Variants in CCL17 observed in about 807,000 individuals in gnomAD.
CCL17 encodes the protein C-C motif chemokine 17.
In CCL17, 8 loss-of-function variants were observed where a neutral mutation model predicts 7.4. The observed-to-expected ratio is 1.09, with a 90% confidence interval of 0.64 to 1.96. The LOEUF (loss-of-function observed/expected upper bound fraction) is 1.96. Ranked by LOEUF, CCL17 falls within the 30% of genes most tolerant of loss-of-function variation. The pLI is 0.00. For missense variants in CCL17, 102 were observed against 113.0 expected, an observed-to-expected ratio of 0.90 and a Z score of 0.44; for synonymous variants, 40 against 46.1, an observed-to-expected ratio of 0.87 and a Z score of 0.54.
chr16:57,414,777 C>CA (rs1902841680), intron 2 of CCL17, among the ~76,000 whole-genome samples: 1 of 152,082 alleles, frequency 6.6e-6, no homozygotes, highest in African/African-American at 2.4e-5. Context: ...GGGACGCGCA[C>CA]AGATGCACAG....
chr16:57,410,947 G>A lies in CCL17; in HGVS notation c.-59-2927G>A, dbSNP rs146117256. On this transcript the variant is annotated intron_variant, in intron 1 of 3. Coordinates refer to ENST00000219244, the MANE Select transcript of CCL17 (RefSeq NM_002987.3). ...GACACAGCCAGTCCTCGTGTGACTGGCTCTTAGCCTTGCATTTAGGCAGTG... is the reference window on the plus strand; with the variant it reads ...GACACAGCCAGTCCTCGTGTGACTGACTCTTAGCCTTGCATTTAGGCAGTG... Among the ~76,000 whole-genome samples, 347 of 152,304 alleles carry A rather than the reference G, an allele frequency of 2.3e-3. 1 individual carries two copies. Among genetic ancestry groups the A allele is most frequent in the African/African-American group, 7.9e-3 (330 of 41,564 alleles).
upstream of CCL17, among the ~76,000 whole-genome samples, chr16:57,402,639 G>A (rs367649272): frequency 1.5e-4 from 23 of 152,324 alleles, no homozygotes; most frequent in East Asian, 2.1e-3. Flanking sequence ...TCCTTGGAAA[G>A]AGAGTCAGAC....
At chr16:57,408,574 ATTT>A (rs754193614) in intron 1 of CCL17, among the ~76,000 whole-genome samples, 7 of 146,680 alleles carry the variant, frequency 4.8e-5, no homozygotes, top group African/African-American at 1.7e-4. Flanking sequence ...ACACCTGGCT[ATTT>A]TTTTTTTTCG....
intron 1 of CCL17, among the ~76,000 whole-genome samples, chr16:57,412,975 C>T (rs566701666): frequency 6.6e-6 from 1 of 152,332 alleles, no homozygotes; most frequent in South Asian, 2.1e-4. Flanking sequence ...GGAAAGTGGA[C>T]TTACGTTCTG....
At chr16:57,397,581 G>A in the CCL17 span, among the ~76,000 whole-genome samples, 11 of 152,172 alleles carry the variant, frequency 7.2e-5, no homozygotes, top group African/African-American at 2.2e-4. Context: ...GATGGCTTCA[G>A]CAGTGTAAGA....
the CCL17 span, among the ~76,000 whole-genome samples, chr16:57,396,872 T>C: frequency 6.6e-6 from 1 of 152,168 alleles, no homozygotes. Flanking sequence ...ACAGTATTCG[T>C]GGTTGCAGGG....
chr16:57,411,446 G>A (rs1427514590), intron 1 of CCL17, among the ~76,000 whole-genome samples: 1 of 152,204 alleles, frequency 6.6e-6, no homozygotes, highest in Non-Finnish European at 1.5e-5. Context: ...GGGAATTTGG[G>A]TCCTTCTGAA....
upstream of CCL17, among the ~76,000 whole-genome samples, chr16:57,403,406 AATAT>A (rs537032267): frequency 4.7e-5 from 1 of 21,234 alleles, no homozygotes; most frequent in African/African-American, 2.4e-4. Context: ...TATATATTAT[AATAT>A]ATATATTATA....
At chr16:57,407,168 C>A (rs1902708616) in intron 1 of CCL17, among the ~76,000 whole-genome samples, 1 of 152,068 alleles carries the variant, frequency 6.6e-6, no homozygotes, top group Non-Finnish European at 1.5e-5. Flanking sequence ...GAGACAGGAT[C>A]ATGTTGTCAG....
chr16:57,405,421 G>A (rs1902679735), intron 1 of CCL17, among the ~76,000 whole-genome samples: 1 of 152,318 alleles, frequency 6.6e-6, no homozygotes, highest in East Asian at 1.9e-4. Context: ...CGAGGAATGA[G>A]TCAAGGGCAA....
At chr16:57,411,870 C>G (rs1198134619) in intron 1 of CCL17, among the ~76,000 whole-genome samples, 1 of 152,258 alleles carries the variant, frequency 6.6e-6, no homozygotes, top group Non-Finnish European at 1.5e-5. Context: ...TCTGAGGCTG[C>G]CCCTCCCTTT....
intron 1 of CCL17, among the ~76,000 whole-genome samples, chr16:57,408,260 C>T (rs564386954): frequency 6.6e-6 from 1 of 152,072 alleles, no homozygotes; most frequent in Admixed American, 6.5e-5. Flanking sequence ...TTTCATCCAC[C>T]TTCCAGCCAC....
upstream of CCL17, among the ~76,000 whole-genome samples, chr16:57,403,664 A>T (rs1424657893): frequency 1.6e-3 from 152 of 92,846 alleles, 3 homozygotes; most frequent in African/African-American, 6.4e-3. Flanking sequence ...ATATATATAT[A>T]TATATTTTTT....
At chr16:57,408,116 CATCT>C (rs1265568341) in intron 1 of CCL17, among the ~76,000 whole-genome samples, 3 of 151,946 alleles carry the variant, frequency 2.0e-5, no homozygotes, top group East Asian at 1.9e-4. Flanking sequence ...TCTACCCATC[CATCT>C]ATCCATCCAT....
upstream of CCL17, among the ~76,000 whole-genome samples, chr16:57,400,125 G>A (rs1016920717): frequency 1.3e-5 from 2 of 151,770 alleles, no homozygotes; most frequent in Non-Finnish European, 2.9e-5. Context: ...TTTGGGAGGC[G>A]GAGGTGGGCG....
At chr16:57,410,199 G>C (rs772238082) in intron 1 of CCL17, among the ~76,000 whole-genome samples, 10 of 152,224 alleles carry the variant, frequency 6.6e-5, no homozygotes, top group Admixed American at 2.0e-4. Context: ...CCTGGGCAGA[G>C]CCTGGGGTTG....
rs761147315 is a variant in CCL17, at chr16:57,415,729, C to A, written c.189-36C>A. The A allele has an allele frequency of 1.4e-6, 2 of 1,403,882 alleles. No individual in the cohort carries two copies. The highest frequency in any genetic ancestry group is 1.4e-5 in the African/African-American group (1 of 71,028). 87.0% of individuals were successfully genotyped at this position (1,403,882 alleles called of 1,614,324 possible). ...CCAGGGACTCTGGGGGCCCTTCCCC[C>A]CCTGCCACTCCTGGTAACGTCCTCC... is the stretch of plus-strand genomic sequence containing the variant. On this transcript the variant is annotated intron_variant, in intron 3 of 3. Coordinates refer to ENST00000219244, the MANE Select transcript of CCL17 (RefSeq NM_002987.3). The surrounding 1 kb of genome is among the most constrained non-coding windows in gnomAD (Gnocchi z 4.5).
Position 57,415,208 on chromosome 16 carries a change from C to G in CCL17, c.188+10C>G. The stretch of plus-strand genomic sequence containing the variant: ...CCAGGGATGCCATCGTGTAAGTCCC[C>G]CTGGCTCCACCCCTGCTCCTCAGGG... On this transcript the variant is annotated intron_variant, in intron 3 of 3. Coordinates refer to ENST00000219244, the MANE Select transcript of CCL17 (RefSeq NM_002987.3). This position sits in a 1 kb window ranked among gnomAD's most constrained non-coding sequence, Gnocchi z 4.5. The G allele has an allele frequency of 6.5e-7, 1 of 1,536,806 alleles. No individual in the cohort carries two copies. Among genetic ancestry groups the G allele is most frequent in the Non-Finnish European group, 9.0e-7 (1 of 1,109,536 alleles).
upstream of CCL17, among the ~76,000 whole-genome samples, chr16:57,403,500 TA>T (rs1902638864): frequency 3.9e-5 from 1 of 25,466 alleles, no homozygotes; most frequent in African/African-American, 2.4e-4. Flanking sequence ...ATATATATTA[TA>T]ATATATATAT....
Sources: gnomAD v4.1 joint callset for allele counts (sites outside exome capture counted in the v4.1 genomes callset) on GRCh38, gnomAD v4.1.1 for gene constraint, Gnocchi (gnomAD v3.1) non-coding constraint, MANE v1.5 for transcripts, NCBI Gene and HGNC (gene_info 2026-07-23, HGNC 2026-07-21) for gene names.